Variants in LMAN1 observed in about 807,000 individuals in gnomAD.
LMAN1 encodes the protein protein ERGIC-53.
Under a neutral mutation model 67.8 loss-of-function variants are expected in LMAN1, and 32 were observed. The ratio of observed to expected loss-of-function variants is 0.47; its 90% confidence interval spans 0.36 to 0.63. The LOEUF is 0.63. Ranked by LOEUF, LMAN1 falls within the 30% of genes least tolerant of loss-of-function variation. The pLI is 0.00. For synonymous variants in LMAN1, 235 were observed against 219.3 expected (o/e 1.07, Z -0.63); for missense variants, 632 against 628.2 (o/e 1.01, Z -0.06).
chr18:59,346,458 C>T (rs997844886), intron 7 of LMAN1, among the ~76,000 whole-genome samples: 1 of 151,794 alleles, frequency 6.6e-6, no homozygotes, highest in African/African-American at 2.4e-5. Flanking sequence ...CCCTTTAGCT[C>T]AGGCAATGCA....
At chr18:59,357,845 G>C (rs1603396408) in intron 1 of LMAN1, among the ~76,000 whole-genome samples, 1 of 151,432 alleles carries the variant, frequency 6.6e-6, no homozygotes, top group Non-Finnish European at 1.5e-5. Flanking sequence ...GGGAGGGATA[G>C]CATTAGGAGA....
Position 59,359,088 on chromosome 18 carries a change from T to C in LMAN1, c.157A>G (p.Lys53Glu), listed in dbSNP as rs1207340262. The C allele has an allele frequency of 4.3e-6, 7 of 1,614,002 alleles. No individual in the cohort carries two copies. Among genetic ancestry groups the C allele is most frequent in the Non-Finnish European group, 5.9e-6 (7 of 1,179,960 alleles). Reference protein sequence around the residue: ...HRRFEYKYSFKGPHLVQSDGT... With the variant: ...HRRFEYKYSFEGPHLVQSDGT... ...TCGCTCTGCACCAGGTGCGGCCCCT[T>C]GAAGCTGTATTTGTACTCGAAACGG... Residue 53 changes from lysine (K) to glutamate (E), a missense_variant, in exon 1 of 13, where the codon AAG becomes GAG. Coordinates refer to ENST00000251047, the MANE Select transcript of LMAN1 (RefSeq NM_005570.4).
intron 11 of LMAN1, among the ~76,000 whole-genome samples, chr18:59,331,847 T>A (rs2070749603): frequency 6.6e-6 from 1 of 152,148 alleles, no homozygotes; most frequent in Non-Finnish European, 1.5e-5. Context: ...CACAGACAAC[T>A]CCTCTGGATA....
chr18:59,350,135 G>A (rs1168918556), intron 5 of LMAN1, among the ~76,000 whole-genome samples: 2 of 152,108 alleles, frequency 1.3e-5, no homozygotes, highest in Non-Finnish European at 2.9e-5. Context: ...AATAAAATCT[G>A]TCAATATGAA....
intron 1 of LMAN1, among the ~76,000 whole-genome samples, chr18:59,356,488 T>C (rs1447485867): frequency 1.3e-5 from 2 of 152,228 alleles, no homozygotes; most frequent in African/African-American, 4.8e-5. Context: ...TAAAGGTCTA[T>C]CAGACTTAAA....
intron 8 of LMAN1, among the ~76,000 whole-genome samples, chr18:59,344,057 T>C (rs1322083586): frequency 2.0e-5 from 3 of 152,024 alleles, no homozygotes; most frequent in Non-Finnish European, 4.4e-5. Context: ...ACATCACTAA[T>C]CATCAAAAAA....
At position 59,358,947 on chromosome 18, in the gene LMAN1, A is replaced by C. The variant is rs1908728866; in HGVS notation, c.214+84T>G. 5 of 1,392,608 alleles carry C rather than the reference A, an allele frequency of 3.6e-6. No individual in the cohort carries two copies. In the Admixed American group the frequency reaches 5.1e-5, roughly 14 times the overall value. The allele number at this position is 1,392,608 out of a possible 1,614,324, so 86.3% of individuals were successfully genotyped here. On this transcript the variant is annotated intron_variant, in intron 1 of 12. Transcript: ENST00000251047. ...CAGCTGCTGGAACGGGAACCTCAGC[A>C]CACCAGGGTAGCCGCGGATGAAAGG...
At chr18:59,357,324 T>C (rs898634815) in intron 1 of LMAN1, among the ~76,000 whole-genome samples, 2 of 152,192 alleles carry the variant, frequency 1.3e-5, no homozygotes, top group African/African-American at 2.4e-5. Context: ...ATTTGACTAG[T>C]TGATTAACAT....
intron 8 of LMAN1, among the ~76,000 whole-genome samples, chr18:59,339,241 A>G (rs1908233452): frequency 6.6e-6 from 1 of 152,224 alleles, no homozygotes; most frequent in Non-Finnish European, 1.5e-5. Flanking sequence ...GGCTAACCAG[A>G]TGCAAGTAGT....
intron 4 of LMAN1, among the ~76,000 whole-genome samples, chr18:59,354,094 C>T (rs1171899152): frequency 6.6e-6 from 1 of 152,096 alleles, no homozygotes. Flanking sequence ...TCTCTGCAAA[C>T]CACTGAGTCT....
At chr18:59,333,530 T>C (rs569366686) in intron 10 of LMAN1, 2 of 327,240 alleles carry the variant, frequency 6.1e-6, no homozygotes, top group African/African-American at 4.4e-5. Context: ...TTGAATATAA[T>C]GGATGATATT....
chr18:59,352,919 CTACCTATCTAT>C (rs1908575859), intron 5 of LMAN1: 4 of 377,896 alleles, frequency 1.1e-5, no homozygotes, highest in South Asian at 8.9e-5. Flanking sequence ...ATCTATCTAT[CTACCTATCTAT>C]CTATCTATCT....
chr18:59,331,793 T>C (rs2070749204), intron 11 of LMAN1, among the ~76,000 whole-genome samples: 1 of 152,152 alleles, frequency 6.6e-6, no homozygotes. Flanking sequence ...CATTACAGTA[T>C]ATGATGATGT....
chr18:59,328,782 T>C lies in LMAN1; in HGVS notation c.*2311A>G, dbSNP rs531673150. Reference sequence around the variant, plus strand: ...ATACATAACAAAACATTGTTTACTGTTTATGACTTCATGGTAAAGTTTTAA... The same window carrying C: ...ATACATAACAAAACATTGTTTACTGCTTATGACTTCATGGTAAAGTTTTAA... On this transcript the variant is annotated 3_prime_UTR_variant, in exon 13 of 13. Transcript: ENST00000251047. The C allele has an allele frequency of 4.6e-5, 7 of 152,314 alleles. No homozygotes were observed. In the South Asian group the frequency reaches 1.2e-3, roughly 27 times the overall value. 9.4% of individuals were successfully genotyped at this position (152,314 alleles called of 1,614,324 possible). A position where few individuals can be genotyped will look rare whatever the true frequency, so the allele number is the denominator to read the frequency against.
rs558117250 is a variant in LMAN1, at chr18:59,359,108, A to G, written c.137T>C (p.Phe46Ser). Reference sequence around the variant, plus strand: ...CCCCTTGAAGCTGTATTTGTACTCGAAACGGCGATGTGGCAACGCGACCGC... The same window carrying G: ...CCCCTTGAAGCTGTATTTGTACTCGGAACGGCGATGTGGCAACGCGACCGC... ...DPAVALPHRR[F>S]EYKYSFKGPH... Residue 46 changes from phenylalanine to serine, a missense_variant, in exon 1 of 13, where the codon TTC (phenylalanine) becomes TCC (serine). Phe to Ser is a radical substitution (Grantham distance 155). Coordinates refer to ENST00000251047, the MANE Select transcript of LMAN1 (RefSeq NM_005570.4). 1 of 1,614,096 alleles carries G rather than the reference A, an allele frequency of 6.2e-7. No individual in the cohort carries two copies. The highest frequency in any genetic ancestry group is 8.5e-7 in the Non-Finnish European group (1 of 1,179,974).
At chr18:59,337,083 T>A (rs1908175684) in intron 10 of LMAN1, among the ~76,000 whole-genome samples, 1 of 150,694 alleles carries the variant, frequency 6.6e-6, no homozygotes, top group African/African-American at 2.4e-5. Flanking sequence ...AACTTTAAAG[T>A]AGAGATAGCA....
At chr18:59,357,941 A>G (rs1456454177) in intron 1 of LMAN1, among the ~76,000 whole-genome samples, 1 of 149,878 alleles carries the variant, frequency 6.7e-6, no homozygotes, top group Non-Finnish European at 1.5e-5. Flanking sequence ...CACGTTGTGC[A>G]CATGTACCCT....
intron 5 of LMAN1, among the ~76,000 whole-genome samples, chr18:59,350,626 C>T (rs1045359890): frequency 6.6e-6 from 1 of 152,020 alleles, no homozygotes; most frequent in Non-Finnish European, 1.5e-5. Context: ...TCCCGAGTAG[C>T]GGAGACTACA....
chr18:59,336,519 T>C (rs906607614), intron 10 of LMAN1, among the ~76,000 whole-genome samples: 3 of 152,018 alleles, frequency 2.0e-5, no homozygotes, highest in Non-Finnish European at 2.9e-5. Flanking sequence ...AATAAATAAA[T>C]GGGAGAGAAA....
Sources: allele counts gnomAD v4.1 joint callset (sites outside exome capture counted in the v4.1 genomes callset), GRCh38; gene constraint gnomAD v4.1.1; transcripts MANE v1.5; gene names NCBI Gene and HGNC (gene_info 2026-07-23, HGNC 2026-07-21).